Variants in HSP90AA1 observed in about 807,000 individuals in gnomAD.
HSP90AA1 encodes heat shock protein HSP 90-alpha.
A neutral mutation model predicts 73.3 loss-of-function variants in HSP90AA1; 18 were observed. The observed-to-expected ratio is 0.25, with a 90% CI of 0.17 to 0.36. HSP90AA1 has a LOEUF of 0.36. Among genes scored for constraint, HSP90AA1 ranks in the 10% least tolerant of loss-of-function variants. The pLI is 1.00. For synonymous variants in HSP90AA1, 477 were observed against 296.9 expected (o/e 1.61, Z -6.24); for missense variants, 704 against 874.2 (o/e 0.81, Z 2.45).
At chr14:102,098,113 C>A (rs188028611) in intron 2 of HSP90AA1, among the ~76,000 whole-genome samples, 98 of 152,172 alleles carry the variant, frequency 6.4e-4, no homozygotes, top group Non-Finnish European at 1.1e-3. Flanking sequence ...CCTTGACTGA[C>A]CTGGGGGCAA....
intron 1 of HSP90AA1, among the ~76,000 whole-genome samples, chr14:102,112,445 G>A (rs1436637636): frequency 2.0e-5 from 3 of 151,946 alleles, no homozygotes; most frequent in Non-Finnish European, 4.4e-5. Flanking sequence ...AAGTGCTGGG[G>A]TTACGGGCGT....
chr14:102,101,610 T>C (rs2049494048), intron 2 of HSP90AA1, among the ~76,000 whole-genome samples: 1 of 152,234 alleles, frequency 6.6e-6, no homozygotes, highest in South Asian at 2.1e-4. Flanking sequence ...CCCACAGCAC[T>C]TTGTCATATA....
intron 1 of HSP90AA1, among the ~76,000 whole-genome samples, chr14:102,106,893 T>C (rs2049576378): frequency 6.6e-6 from 1 of 151,942 alleles, no homozygotes; most frequent in Admixed American, 6.6e-5. Flanking sequence ...TGAAGGGAAG[T>C]ATAATCAGAG....
At chr14:102,103,972 C>T (rs570850596) in intron 1 of HSP90AA1, among the ~76,000 whole-genome samples, 91 of 150,102 alleles carry the variant, frequency 6.1e-4, no homozygotes, top group African/African-American at 2.2e-3. Flanking sequence ...TTACAGGAGG[C>T]GGAGGTTGCA....
intron 1 of HSP90AA1, among the ~76,000 whole-genome samples, chr14:102,113,867 T>C (rs1029977560): frequency 4.6e-5 from 7 of 152,114 alleles, no homozygotes; most frequent in East Asian, 1.9e-4. Flanking sequence ...CCTGCCACCA[T>C]GCCCCGCTAA....
upstream of HSP90AA1, among the ~76,000 whole-genome samples, chr14:102,091,025 A>G (rs1359806371): frequency 2.0e-5 from 3 of 152,172 alleles, no homozygotes; most frequent in Non-Finnish European, 2.9e-5. Flanking sequence ...ATAGACATGA[A>G]CATGTCTTCT....
intron 1 of HSP90AA1, among the ~76,000 whole-genome samples, chr14:102,114,400 C>A (rs899970985): frequency 6.6e-6 from 1 of 152,118 alleles, no homozygotes; most frequent in Non-Finnish European, 1.5e-5. Context: ...ACTAAAAAGC[C>A]ATTTGGAAGA....
At chr14:102,109,877 C>T (rs956783133) in intron 1 of HSP90AA1, among the ~76,000 whole-genome samples, 7 of 152,002 alleles carry the variant, frequency 4.6e-5, no homozygotes, top group Non-Finnish European at 1.0e-4. Flanking sequence ...AAATCCAGGC[C>T]GAAATGGTCT....
intron 1 of HSP90AA1, among the ~76,000 whole-genome samples, chr14:102,124,903 T>G (rs1201403647): frequency 1.3e-5 from 2 of 152,288 alleles, no homozygotes; most frequent in Admixed American, 6.5e-5. Flanking sequence ...ATCCACTAAA[T>G]AGTTATTGAG....
upstream of HSP90AA1, among the ~76,000 whole-genome samples, chr14:102,088,944 T>TC (rs1192035530): frequency 6.6e-6 from 1 of 150,818 alleles, no homozygotes; most frequent in Non-Finnish European, 1.5e-5. Flanking sequence ...TCACTCTTGG[T>TC]CCCCCAGGCT....
At chr14:102,108,762 C>CT (rs2049603492) in intron 1 of HSP90AA1, among the ~76,000 whole-genome samples, 2 of 151,944 alleles carry the variant, frequency 1.3e-5, no homozygotes, top group Non-Finnish European at 2.9e-5. Flanking sequence ...GTCTTGAACT[C>CT]CTGACCTCAT....
At chr14:102,093,483 CAAA>C (rs567516713) in intron 2 of HSP90AA1, among the ~76,000 whole-genome samples, 64 of 82,178 alleles carry the variant, frequency 7.8e-4, no homozygotes, top group African/African-American at 2.0e-3. Context: ...GACTCCGTCT[CAAA>C]AAAAAAAAAA....
intron 9 of HSP90AA1, 131 bp downstream of exon 9, chr14:102,082,903 G>A (rs2049131762): frequency 5.3e-6 from 5 of 950,690 alleles, no homozygotes; most frequent in East Asian, 2.4e-5. Context: ...GCAGGCGTGA[G>A]CCACCGCGCC....
chr14:102,132,995 G>A (rs1304717886), intron 1 of HSP90AA1, among the ~76,000 whole-genome samples: 1 of 146,666 alleles, frequency 6.8e-6, no homozygotes, highest in Non-Finnish European at 1.5e-5. Context: ...GGCGGTGGGG[G>A]CGGGCTGGGC....
upstream of HSP90AA1, among the ~76,000 whole-genome samples, chr14:102,089,353 A>C (rs1009672839): frequency 5.9e-5 from 9 of 151,966 alleles, no homozygotes; most frequent in African/African-American, 2.2e-4. Flanking sequence ...CCCCATCTTT[A>C]ATGTCCCTTC....
At chr14:102,133,795 TAAAGA>T (rs1481008256) in intron 1 of HSP90AA1, among the ~76,000 whole-genome samples, 1 of 152,050 alleles carries the variant, frequency 6.6e-6, no homozygotes, top group African/African-American at 2.4e-5. Flanking sequence ...AACTAGTTCT[TAAAGA>T]ATACACTATG....
intron 4 of HSP90AA1, 40 bp from the exon 5 acceptor site, chr14:102,085,038 C>T: frequency 6.2e-7 from 1 of 1,613,824 alleles, no homozygotes; most frequent in Non-Finnish European, 8.5e-7. Flanking sequence ...TGCTGCACTC[C>T]AGAACTAAGC....
chr14:102,130,068 T>G (rs1047005436), intron 1 of HSP90AA1, among the ~76,000 whole-genome samples: 1 of 152,054 alleles, frequency 6.6e-6, no homozygotes, highest in South Asian at 2.1e-4. Context: ...CCTCCTGGGT[T>G]CAAGCGATTC....
chr14:102,137,042 C>G (rs1338797263), intron 1 of HSP90AA1, among the ~76,000 whole-genome samples: 1 of 151,748 alleles, frequency 6.6e-6, no homozygotes. Flanking sequence ...GGTGAAACCC[C>G]GTCTCTACTA....
Sources: gnomAD v4.1 joint callset for allele counts (sites outside exome capture counted in the v4.1 genomes callset) on GRCh38, gnomAD v4.1.1 for gene constraint, MANE v1.5 for transcripts, NCBI Gene and HGNC (gene_info 2026-07-23, HGNC 2026-07-21) for gene names.